MAPK8: variants seen among roughly 807,000 people sequenced by gnomAD.
MAPK8 encodes the protein JUN N-terminal kinase.
Under a neutral mutation model 52.9 loss-of-function variants are expected in MAPK8, and 13 were observed. The observed-to-expected ratio is 0.25, with a 90% CI of 0.16 to 0.39. The LOEUF (loss-of-function observed/expected upper bound fraction) is 0.39. Ranked by LOEUF, MAPK8 falls within the 10% of genes least tolerant of loss-of-function variation. MAPK8 has a pLI of 1.00. For synonymous variants in MAPK8, 191 were observed against 169.8 expected (o/e 1.12, Z -0.97); for missense variants, 300 against 519.2 (o/e 0.58, Z 4.10).
At chr10:48,392,473 TA>T (rs1370320216) in intron 1 of MAPK8, among the ~76,000 whole-genome samples, 1 of 151,952 alleles carries the variant, frequency 6.6e-6, no homozygotes, top group Non-Finnish European at 1.5e-5. Context: ...TAATATGTAA[TA>T]GATATATAAT....
intron 1 of MAPK8, among the ~76,000 whole-genome samples, chr10:48,313,824 C>T (rs1203792254): frequency 6.6e-6 from 1 of 152,160 alleles, no homozygotes; most frequent in Non-Finnish European, 1.5e-5. Flanking sequence ...GGCACAATCT[C>T]AGCTCACTGC....
intron 1 of MAPK8, among the ~76,000 whole-genome samples, chr10:48,344,652 T>G (rs1025195600): frequency 6.6e-6 from 1 of 152,218 alleles, no homozygotes; most frequent in Non-Finnish European, 1.5e-5. Context: ...AATGTATTTT[T>G]AAAATATCTT....
intron 1 of MAPK8, among the ~76,000 whole-genome samples, chr10:48,326,927 A>G (rs1366116080): frequency 2.0e-5 from 3 of 152,044 alleles, no homozygotes; most frequent in Admixed American, 6.6e-5. Flanking sequence ...AGCTGTATCA[A>G]CTAGGAGTGT....
chr10:48,332,465 G>T (rs1199822988), intron 1 of MAPK8, among the ~76,000 whole-genome samples: 1 of 152,166 alleles, frequency 6.6e-6, no homozygotes, highest in East Asian at 1.9e-4. Context: ...CTCATCAGGG[G>T]TTTACTTATT....
chr10:48,324,516 T>TGG (rs1237449762), intron 1 of MAPK8, among the ~76,000 whole-genome samples: 3 of 150,198 alleles, frequency 2.0e-5, no homozygotes, highest in Non-Finnish European at 1.5e-5. Flanking sequence ...TTTTTTTTTT[T>TGG]TTTTACACTC....
chr10:48,417,750 G>T (rs2043141509), intron 5 of MAPK8, among the ~76,000 whole-genome samples: 1 of 152,174 alleles, frequency 6.6e-6, no homozygotes, highest in African/African-American at 2.4e-5. Context: ...AGGAATATTT[G>T]CAGAACAATC....
At chr10:48,390,729 A>G (rs553536721) in intron 1 of MAPK8, among the ~76,000 whole-genome samples, 1 of 152,362 alleles carries the variant, frequency 6.6e-6, no homozygotes, top group African/African-American at 2.4e-5. Context: ...AAAACCTAAT[A>G]TAGCCGCCCC....
chr10:48,420,020 C>A, intron 5 of MAPK8, 135 bp from the exon 6 acceptor site: 1 of 541,006 alleles, frequency 1.8e-6, no homozygotes, highest in East Asian at 3.0e-5. Context: ...AACGATGAAT[C>A]AGTGCAGTAA....
At chr10:48,328,872 A>G (rs1411584004) in intron 1 of MAPK8, among the ~76,000 whole-genome samples, 1 of 152,178 alleles carries the variant, frequency 6.6e-6, no homozygotes, top group African/African-American at 2.4e-5. Flanking sequence ...TGAAAACCAC[A>G]CCTTTTTAAG....
Position 48,424,310 on chromosome 10 carries a change from A to G in MAPK8, c.688+151A>G, listed in dbSNP as rs2043541518. ...ATAGTTCAAAAATTGTTGAGATAAG[A>G]AGCTGAAATATTTGTAGGCTGCATC... On this transcript the variant is annotated intron_variant, in intron 7 of 11. Transcript: ENST00000374189. The G allele has an allele frequency of 3.8e-6, 3 of 788,076 alleles. No homozygotes were observed. In the Admixed American group the frequency reaches 8.6e-5, roughly 23 times the overall value. 48.8% of individuals were successfully genotyped at this position (788,076 alleles called of 1,614,324 possible). A position where few individuals can be genotyped will look rare whatever the true frequency, so the allele number is the denominator to read the frequency against.
chr10:48,379,848 C>T (rs2040880730), intron 1 of MAPK8, among the ~76,000 whole-genome samples: 2 of 147,906 alleles, frequency 1.4e-5, no homozygotes, highest in African/African-American at 2.5e-5. Flanking sequence ...TTCAAGAATA[C>T]TTGAATATGG....
intron 1 of MAPK8, among the ~76,000 whole-genome samples, chr10:48,345,816 A>G (rs1845714931): frequency 1.3e-5 from 2 of 152,222 alleles, no homozygotes; most frequent in South Asian, 4.1e-4. Context: ...AATGTTGGGC[A>G]CAGACAAAAG....
In MAPK8 at chr10:48,329,411, C is replaced by T. The variant is rs188409097; in HGVS notation, c.-50+22590C>T. 3.3e-4 allele frequency among the ~76,000 whole-genome samples: 50 copies of T among 152,028 alleles called. No individual in the cohort carries two copies. In the East Asian group the frequency reaches 5.6e-3, roughly 17 times the overall value. On this transcript the variant is annotated intron_variant, in intron 1 of 11. Coordinates refer to ENST00000374189, the MANE Select transcript of MAPK8 (RefSeq NM_001323329.2). ...GATCCCTAATTGGAAGAATTCAGAG[C>T]GGTGTATTGCTTTGAGTTAGTTGGC...
chr10:48,414,825 A>T (rs2042974628), intron 5 of MAPK8, among the ~76,000 whole-genome samples: 1 of 151,988 alleles, frequency 6.6e-6, no homozygotes, highest in Admixed American at 6.5e-5. Context: ...CAAGCAATCC[A>T]GCTGCCTTGA....
At chr10:48,322,821 G>A (rs1194073540) in intron 1 of MAPK8, among the ~76,000 whole-genome samples, 10 of 152,114 alleles carry the variant, frequency 6.6e-5, no homozygotes, top group African/African-American at 1.9e-4. Context: ...CCAGATCTTG[G>A]TCTTCATGCT....
At chr10:48,405,030 T>G (rs1382803998) in intron 3 of MAPK8, 49 bp downstream of exon 3, 1 of 1,339,946 alleles carries the variant, frequency 7.5e-7, no homozygotes, top group Admixed American at 2.2e-5. Flanking sequence ...TCAAGATTTA[T>G]TCATGAATAT....
intron 1 of MAPK8, among the ~76,000 whole-genome samples, chr10:48,382,804 A>G (rs963639177): frequency 4.8e-5 from 7 of 147,126 alleles, no homozygotes; most frequent in African/African-American, 1.7e-4. Context: ...TATATATAAT[A>G]TATATTATAT....
chr10:48,417,297 G>A (rs2043118340), intron 5 of MAPK8, among the ~76,000 whole-genome samples: 1 of 151,900 alleles, frequency 6.6e-6, no homozygotes, highest in South Asian at 2.1e-4. Flanking sequence ...TTAGCTCATG[G>A]GTCCTGTATT....
chr10:48,397,695 A>AT (rs764798644), intron 1 of MAPK8, among the ~76,000 whole-genome samples: 9 of 152,054 alleles, frequency 5.9e-5, no homozygotes, highest in Non-Finnish European at 1.2e-4. Context: ...GGTTCAAGCG[A>AT]TTCTCCTGCC....
Sources: allele counts gnomAD v4.1 joint callset (sites outside exome capture counted in the v4.1 genomes callset), GRCh38; gene constraint gnomAD v4.1.1; transcripts MANE v1.5; gene names NCBI Gene and HGNC (gene_info 2026-07-23, HGNC 2026-07-21).